NLGN1: variants seen among roughly 807,000 people sequenced by gnomAD.
NLGN1 encodes neuroligin 1.
In NLGN1, 12 loss-of-function variants were observed where a neutral mutation model predicts 65.5. The ratio of observed to expected loss-of-function variants is 0.18; its 90% CI spans 0.12 to 0.30. The LOEUF is 0.30. NLGN1 is among the 10% of genes least tolerant of loss of function. NLGN1 has a pLI of 1.00. For missense variants in NLGN1, 750 were observed against 1,007.1 expected (o/e 0.74, Z 3.46); for synonymous variants, 350 against 359.5 (o/e 0.97, Z 0.30).
chr3:173,463,881 TTTATA>T (rs1723814991), intron 2 of NLGN1, among the ~76,000 whole-genome samples: 1 of 152,104 alleles, frequency 6.6e-6, no homozygotes, highest in African/African-American at 2.4e-5. Flanking sequence ...ATATAAAACA[TTTATA>T]TTAATATATA....
intron 3 of NLGN1, among the ~76,000 whole-genome samples, chr3:173,607,076 A>T (rs1560041753): frequency 6.6e-6 from 1 of 152,026 alleles, no homozygotes; most frequent in Non-Finnish European, 1.5e-5. Context: ...ATGTATGATG[A>T]AGAAAAAGAT....
chr3:174,230,053 G>A (rs1201421103), intron 4 of NLGN1, among the ~76,000 whole-genome samples: 3 of 152,104 alleles, frequency 2.0e-5, no homozygotes, highest in Non-Finnish European at 4.4e-5. Context: ...TTTTTAAAGG[G>A]AAATTTCCTA....
intron 4 of NLGN1, among the ~76,000 whole-genome samples, chr3:174,152,212 C>T (rs1359789014): frequency 6.6e-6 from 1 of 152,046 alleles, no homozygotes; most frequent in Non-Finnish European, 1.5e-5. Flanking sequence ...AAATGTACCA[C>T]ATAATATTCA....
At chr3:173,781,827 G>A (rs1195349265) in intron 3 of NLGN1, among the ~76,000 whole-genome samples, 1 of 152,194 alleles carries the variant, frequency 6.6e-6, no homozygotes, top group Non-Finnish European at 1.5e-5. Context: ...TTTAAACAAA[G>A]TATATTAGGC....
intron 3 of NLGN1, chr3:173,685,862 CTT>C (rs952586891): frequency 2.2e-6 from 2 of 900,204 alleles, no homozygotes; most frequent in Admixed American, 1.2e-4. Context: ...CAGATGTCCT[CTT>C]ACAATTAAAA....
At chr3:174,265,367 G>A (rs1454637794) in intron 4 of NLGN1, among the ~76,000 whole-genome samples, 1 of 152,154 alleles carries the variant, frequency 6.6e-6, no homozygotes, top group Non-Finnish European at 1.5e-5. Flanking sequence ...GCCAGGTGCG[G>A]GATGTAATCT....
At chr3:173,762,886 G>A (rs112558488) in intron 3 of NLGN1, among the ~76,000 whole-genome samples, 1,979 of 151,338 alleles carry the variant, frequency 0.013, 52 homozygotes, top group African/African-American at 0.045. Flanking sequence ...AATGCTAATC[G>A]TATGATACTT....
intron 4 of NLGN1, among the ~76,000 whole-genome samples, chr3:173,952,484 C>T (rs1159649103): frequency 6.6e-6 from 1 of 152,130 alleles, no homozygotes; most frequent in Non-Finnish European, 1.5e-5. Flanking sequence ...TAACAAATGG[C>T]CTTATTTTTG....
At chr3:173,889,514 T>C (rs144133956) in intron 4 of NLGN1, among the ~76,000 whole-genome samples, 426 of 152,292 alleles carry the variant, frequency 2.8e-3, no homozygotes, top group South Asian at 0.017. Context: ...ATGTCGTTTT[T>C]AAAGTAGTCT....
chr3:173,856,205 G>C (rs999345087), intron 4 of NLGN1, among the ~76,000 whole-genome samples: 2 of 151,928 alleles, frequency 1.3e-5, no homozygotes, highest in African/African-American at 4.8e-5. Context: ...TCACCTCTAG[G>C]GACTGTTGTT....
chr3:173,525,658 T>C (rs1028514223), intron 2 of NLGN1, among the ~76,000 whole-genome samples: 3 of 152,126 alleles, frequency 2.0e-5, no homozygotes, highest in Non-Finnish European at 2.9e-5. Flanking sequence ...GAATTATTCT[T>C]GTTTTTCTAG....
At chr3:173,968,312 T>A (rs1238260458) in intron 4 of NLGN1, among the ~76,000 whole-genome samples, 1 of 152,166 alleles carries the variant, frequency 6.6e-6, no homozygotes, top group African/African-American at 2.4e-5. Flanking sequence ...GAACTGTTAT[T>A]TTATCTTCCA....
intron 4 of NLGN1, among the ~76,000 whole-genome samples, chr3:174,116,803 G>T (rs1478383551): frequency 6.6e-6 from 1 of 152,102 alleles, no homozygotes; most frequent in Admixed American, 6.5e-5. Flanking sequence ...GAAGGCATAT[G>T]AGCCATATTT....
At chr3:173,931,832 G>A (rs539268845) in intron 4 of NLGN1, among the ~76,000 whole-genome samples, 1 of 152,248 alleles carries the variant, frequency 6.6e-6, no homozygotes, top group East Asian at 1.9e-4. Flanking sequence ...CCAAGTGAGA[G>A]AAAATGGTGA....
rs797007962 is a variant in NLGN1, at chr3:173,583,207, AT to A, written c.-320-21069del. Among the ~76,000 whole-genome samples, 12 of 152,322 alleles carry A rather than the reference AT, an allele frequency of 7.9e-5. No individual in the cohort carries two copies. In the South Asian group the frequency reaches 1.7e-3, roughly 21 times the overall value. On this transcript the variant is annotated intron_variant, in intron 2 of 6. Transcript: ENST00000457714. Reference sequence around the variant, plus strand: ...TCAGATTATTCAGATTATATTGATAATTTCTTACCCTTTGCCCTTGCAAACA... The same window carrying A: ...TCAGATTATTCAGATTATATTGATAATTCTTACCCTTTGCCCTTGCAAACA...
chr3:173,582,054 T>C (rs956389751), intron 2 of NLGN1, among the ~76,000 whole-genome samples: 6 of 152,060 alleles, frequency 3.9e-5, no homozygotes, highest in African/African-American at 1.4e-4. Context: ...TCAAATATAA[T>C]AGATGTAATT....
At chr3:173,978,864 C>T (rs1718137284) in intron 4 of NLGN1, among the ~76,000 whole-genome samples, 1 of 148,544 alleles carries the variant, frequency 6.7e-6, no homozygotes, top group Admixed American at 6.7e-5. Context: ...AAAAATTAGC[C>T]ACTTGTGGCA....
chr3:173,486,319 C>G (rs1163094669), intron 2 of NLGN1, among the ~76,000 whole-genome samples: 2 of 152,128 alleles, frequency 1.3e-5, no homozygotes, highest in Non-Finnish European at 2.9e-5. Flanking sequence ...GCCTCGGCCT[C>G]CCAAAATGCT....
downstream of NLGN1, among the ~76,000 whole-genome samples, chr3:174,288,606 C>T (rs1752396123): frequency 6.6e-6 from 1 of 151,272 alleles, no homozygotes; most frequent in Non-Finnish European, 1.5e-5. Flanking sequence ...AGCAAAAAAT[C>T]CCACTTGAAA....
Sources: allele counts gnomAD v4.1 joint callset (sites outside exome capture counted in the v4.1 genomes callset), GRCh38; gene constraint gnomAD v4.1.1; transcripts MANE v1.5; gene names NCBI Gene and HGNC (gene_info 2026-07-23, HGNC 2026-07-21).